PYDC2: variants seen among roughly 807,000 people sequenced by gnomAD.
PYDC2 encodes the protein pyrin domain containing 2.
For missense variants in PYDC2, 123 were observed against 112.2 expected (o/e 1.10, Z -0.43); for synonymous variants, 51 against 44.6 (o/e 1.14, Z -0.57).
In PYDC2 at chr3:191,461,333, A is replaced by C. The variant is rs749777509; in HGVS notation, c.171A>C (p.Glu57Asp). 10 of 1,613,886 alleles carry C rather than the reference A, an allele frequency of 6.2e-6. No individual in the cohort carries two copies. The highest frequency in any genetic ancestry group is 7.6e-6 in the Non-Finnish European group (9 of 1,179,930). The change falls in exon 1 of 1, where the codon GAA (glutamate) becomes GAC (aspartate). Residue 57 changes from glutamate to aspartate, a missense_variant. Transcript: ENST00000518817. ...VDKANGKQLV[E>D]IFTSHSCSYW... ...AGGCTAATGGGAAGCAACTGGTAGA[A>C]ATCTTCACCAGCCACTCCTGCAGCT...
chr3:191,461,287 T>TC, the PYDC2 span: 2 of 1,613,848 alleles, frequency 1.2e-6, no homozygotes, highest in Non-Finnish European at 1.7e-6. Flanking sequence ...CTACAGACCG[T>TC]CCCCCAGACA....
chr3:191,461,452 C>G lies in PYDC2; in HGVS notation c.290C>G (p.Pro97Arg). The G allele has an allele frequency of 6.2e-7, 1 of 1,610,696 alleles. No individual in the cohort carries two copies. The highest frequency in any genetic ancestry group is 1.3e-5 in the African/African-American group (1 of 75,024). Residue 97 changes from proline to arginine, a missense_variant, in exon 1 of 1, where the codon CCT becomes CGT. Coordinates refer to ENST00000518817, the MANE Select transcript of PYDC2 (RefSeq NM_001083308.1). ...RADEHCVMPP[P>R] ...GATGAACACTGTGTGATGCCCCCAC[C>G]TTAACCCCTCAGGGATAGTGAGTTG...
In PYDC2 at chr3:191,461,375, A is replaced by C. The variant is rs779414599; in HGVS notation, c.213A>C (p.Ala71=). 5 of 1,613,998 alleles carry C rather than the reference A, an allele frequency of 3.1e-6. No homozygotes were observed. Among genetic ancestry groups the C allele is most frequent in the Non-Finnish European group, 4.2e-6 (5 of 1,179,946 alleles). The change falls in exon 1 of 1, where the codon GCA becomes GCC. Residue 71 remains alanine, a synonymous_variant. Transcript: ENST00000518817. ...CCTGCAGCTACTGGGCAGGGATGGC[A>C]GCCATCCAGGTCTTTGAAAAGATGA... ...SHSCSYWAGM[A]AIQVFEKMNQ...
Position 191,461,414 on chromosome 3 carries a change from G to T in PYDC2, c.252G>T (p.Leu84=). 1 of 1,614,166 alleles carries T rather than the reference G, an allele frequency of 6.2e-7. No homozygotes were observed. Among genetic ancestry groups the T allele is most frequent in the Non-Finnish European group, 8.5e-7 (1 of 1,179,984 alleles). The change falls in exon 1 of 1, where the codon CTG becomes CTT. Residue 84 remains leucine, a synonymous_variant. Coordinates refer to ENST00000518817, the MANE Select transcript of PYDC2 (RefSeq NM_001083308.1). The part of the protein sequence containing the change: ...QVFEKMNQTH[L]SGRADEHCVM... ...TTGAAAAGATGAATCAAACGCATCTGTCTGGGAGAGCTGATGAACACTGTG... is the reference window on the plus strand; with the variant it reads ...TTGAAAAGATGAATCAAACGCATCTTTCTGGGAGAGCTGATGAACACTGTG...
At position 191,461,309 on chromosome 3, in the gene PYDC2, G is replaced by A. The variant is rs948115090; in HGVS notation, c.147G>A (p.Lys49=). The A allele has an allele frequency of 1.2e-6, 2 of 1,613,922 alleles. No individual in the cohort carries two copies. Among genetic ancestry groups the A allele is most frequent in the Non-Finnish European group, 1.7e-6 (2 of 1,179,936 alleles). The change falls in exon 1 of 1, where the codon AAG becomes AAA. Residue 49 remains lysine, a synonymous_variant. Coordinates refer to ENST00000518817, the MANE Select transcript of PYDC2 (RefSeq NM_001083308.1). The stretch of plus-strand genomic sequence containing the variant: ...CCGTCCCCCAGACAGAGGTAGACAA[G>A]GCTAATGGGAAGCAACTGGTAGAAA... The part of the protein sequence containing the change: ...LQTVPQTEVD[K]ANGKQLVEIF...
In PYDC2 at chr3:191,461,173, C is replaced by T. The variant is rs200336389; in HGVS notation, c.11C>T (p.Ser4Phe). 5.8e-5 allele frequency: 93 copies of T among 1,613,950 alleles called. 2 individuals carry two copies. In the South Asian group the frequency reaches 9.4e-4, roughly 16 times the overall value. The change falls in exon 1 of 1, where the codon TCT becomes TTT. Residue 4 changes from serine (S) to phenylalanine (F), a missense_variant. Ser to Phe is a radical substitution (Grantham distance 155). Coordinates refer to ENST00000518817, the MANE Select transcript of PYDC2 (RefSeq NM_001083308.1). ...CCCACATAGGACAAGATGGCATCTT[C>T]TGCAGAGCTGGACTTCAACCTGCAG... The part of the protein sequence containing the change: MAS[S>F]AELDFNLQAL...
rs1270270793 is a variant in PYDC2, at chr3:191,461,276, G to T, written c.114G>T (p.Glu38Asp). Residue 38 changes from glutamate (E) to aspartate (D), a missense_variant, in exon 1 of 1, where the codon GAG becomes GAT. Transcript: ENST00000518817. ...SLIRTISLGK[E>D]LQTVPQTEVD... Reference sequence around the variant, plus strand: ...TCAGAACAATCTCCCTGGGAAAGGAGCTACAGACCGTCCCCCAGACAGAGG... The same window carrying T: ...TCAGAACAATCTCCCTGGGAAAGGATCTACAGACCGTCCCCCAGACAGAGG... 6.2e-7 allele frequency: 1 copy of T among 1,614,160 alleles called. No homozygotes were observed. Among genetic ancestry groups the T allele is most frequent in the Non-Finnish European group, 8.5e-7 (1 of 1,180,018 alleles).
rs1318936376 is a variant in PYDC2, at chr3:191,461,263, C to A, written c.101C>A (p.Ser34Tyr). The change falls in exon 1 of 1, where the codon TCC (serine) becomes TAC (tyrosine). Residue 34 changes from serine (S) to tyrosine (Y), a missense_variant. Ser to Tyr is a moderately radical substitution (Grantham distance 144, BLOSUM62 -2). Coordinates refer to ENST00000518817, the MANE Select transcript of PYDC2 (RefSeq NM_001083308.1). ...SKFKSLIRTISLGKELQTVPQ... is the reference protein window; with the variant it reads ...SKFKSLIRTIYLGKELQTVPQ... ...TTCAAGTCTCTGATCAGAACAATCT[C>A]CCTGGGAAAGGAGCTACAGACCGTC... The A allele has an allele frequency of 1.2e-6, 2 of 1,613,994 alleles. No homozygotes were observed. Among genetic ancestry groups the A allele is most frequent in the Admixed American group, 3.3e-5 (2 of 59,990 alleles).
In PYDC2 at chr3:191,461,379, A is replaced by T. The variant is rs997718853; in HGVS notation, c.217A>T (p.Ile73Phe). 1 of 1,614,176 alleles carries T rather than the reference A, an allele frequency of 6.2e-7. No individual in the cohort carries two copies. The highest frequency in any genetic ancestry group is 1.7e-5 in the Admixed American group (1 of 60,024). ...SCSYWAGMAAIQVFEKMNQTH... is the reference protein window; with the variant it reads ...SCSYWAGMAAFQVFEKMNQTH... ...CAGCTACTGGGCAGGGATGGCAGCC[A>T]TCCAGGTCTTTGAAAAGATGAATCA... The change falls in exon 1 of 1, where the codon ATC (isoleucine) becomes TTC (phenylalanine). Residue 73 changes from isoleucine (I) to phenylalanine (F), a missense_variant. By Grantham distance (21) the Ile-to-Phe change is conservative (BLOSUM62 0). Transcript: ENST00000518817.
At position 191,461,252 on chromosome 3, in the gene PYDC2, C is replaced by G; in HGVS notation, c.90C>G (p.Ile30Met). 1 of 1,614,090 alleles carries G rather than the reference C, an allele frequency of 6.2e-7. No homozygotes were observed. The highest frequency in any genetic ancestry group is 8.5e-7 in the Non-Finnish European group (1 of 1,179,990). ...AGTTGAGCAAGTTCAAGTCTCTGAT[C>G]AGAACAATCTCCCTGGGAAAGGAGC... ...QDELSKFKSL[I>M]RTISLGKELQ... Residue 30 changes from isoleucine to methionine, a missense_variant, in exon 1 of 1, where the codon ATC (isoleucine) becomes ATG (methionine). By Grantham distance (10) the Ile-to-Met change is conservative (BLOSUM62 1). Coordinates refer to ENST00000518817, the MANE Select transcript of PYDC2 (RefSeq NM_001083308.1).
In PYDC2 at chr3:191,461,450, A is replaced by T; in HGVS notation, c.288A>T (p.Pro96=). ...CTGATGAACACTGTGTGATGCCCCC[A>T]CCTTAACCCCTCAGGGATAGTGAGT... is the stretch of plus-strand genomic sequence containing the variant. ...GRADEHCVMP[P]P The change falls in exon 1 of 1, where the codon CCA becomes CCT. Residue 96 remains proline, a synonymous_variant. Coordinates refer to ENST00000518817, the MANE Select transcript of PYDC2 (RefSeq NM_001083308.1). 1.2e-6 allele frequency: 2 copies of T among 1,611,102 alleles called. No homozygotes were observed. Among genetic ancestry groups the T allele is most frequent in the Non-Finnish European group, 1.7e-6 (2 of 1,178,016 alleles).
rs777802651 is a variant in PYDC2 at position 191,461,236 on chromosome 3, A to G, written c.74A>G (p.Lys25Arg). 4 of 1,614,048 alleles carry G rather than the reference A, an allele frequency of 2.5e-6. No individual in the cohort carries two copies. The highest frequency in any genetic ancestry group is 3.4e-6 in the Non-Finnish European group (4 of 1,180,016). Residue 25 changes from lysine to arginine, a missense_variant, in exon 1 of 1, where the codon AAG (lysine) becomes AGG (arginine). Physicochemically the swap from Lys to Arg is conservative, Grantham distance 26. Transcript: ENST00000518817. ...LEQLSQDELSKFKSLIRTISL... is the reference protein window; with the variant it reads ...LEQLSQDELSRFKSLIRTISL... ...CAGCTCAGCCAGGATGAGTTGAGCAAGTTCAAGTCTCTGATCAGAACAATC... is the reference window on the plus strand; with the variant it reads ...CAGCTCAGCCAGGATGAGTTGAGCAGGTTCAAGTCTCTGATCAGAACAATC...
chr3:191,461,272 A>G lies in PYDC2; in HGVS notation c.110A>G (p.Lys37Arg), dbSNP rs747185608. ...CTGATCAGAACAATCTCCCTGGGAAAGGAGCTACAGACCGTCCCCCAGACA... is the reference window on the plus strand; with the variant it reads ...CTGATCAGAACAATCTCCCTGGGAAGGGAGCTACAGACCGTCCCCCAGACA... ...KSLIRTISLG[K>R]ELQTVPQTEV... The change falls in exon 1 of 1, where the codon AAG becomes AGG. Residue 37 changes from lysine to arginine, a missense_variant. Transcript: ENST00000518817. 2.5e-6 allele frequency: 4 copies of G among 1,614,178 alleles called. No homozygotes were observed. The East Asian group carries it at 6.7e-5, about 27-fold the overall frequency.
chr3:191,461,394 A>C lies in PYDC2; in HGVS notation c.232A>C (p.Lys78Gln), dbSNP rs1410812591. Residue 78 changes from lysine to glutamine, a missense_variant, in exon 1 of 1, where the codon AAG (lysine) becomes CAG (glutamine). Coordinates refer to ENST00000518817, the MANE Select transcript of PYDC2 (RefSeq NM_001083308.1). ...GATGGCAGCCATCCAGGTCTTTGAA[A>C]AGATGAATCAAACGCATCTGTCTGG... The part of the protein sequence containing the change: ...AGMAAIQVFE[K>Q]MNQTHLSGRA... 1 of 1,614,172 alleles carries C rather than the reference A, an allele frequency of 6.2e-7. No homozygotes were observed. Among genetic ancestry groups the C allele is most frequent in the South Asian group, 1.1e-5 (1 of 91,084 alleles).
rs1383158233 is a variant in PYDC2, at chr3:191,461,257, C to A, written c.95C>A (p.Thr32Lys). The A allele has an allele frequency of 2.5e-6, 4 of 1,614,026 alleles. No homozygotes were observed. The African/African-American group carries it at 5.3e-5, about 22-fold the overall frequency. Residue 32 changes from threonine to lysine, a missense_variant, in exon 1 of 1, where the codon ACA (threonine) becomes AAA (lysine). Physicochemically the swap from Thr to Lys is moderately conservative, Grantham distance 78. Transcript: ENST00000518817. ...ELSKFKSLIRTISLGKELQTV... is the reference protein window; with the variant it reads ...ELSKFKSLIRKISLGKELQTV... ...AGCAAGTTCAAGTCTCTGATCAGAA[C>A]AATCTCCCTGGGAAAGGAGCTACAG...
Position 191,461,276 on chromosome 3 carries a change from G to A in PYDC2, c.114G>A (p.Glu38=). Residue 38 remains glutamate, a synonymous_variant, in exon 1 of 1, where the codon GAG becomes GAA. Coordinates refer to ENST00000518817, the MANE Select transcript of PYDC2 (RefSeq NM_001083308.1). ...SLIRTISLGK[E]LQTVPQTEVD... ...TCAGAACAATCTCCCTGGGAAAGGA[G>A]CTACAGACCGTCCCCCAGACAGAGG... The A allele has an allele frequency of 6.2e-7, 1 of 1,614,160 alleles. No individual in the cohort carries two copies. Among genetic ancestry groups the A allele is most frequent in the Non-Finnish European group, 8.5e-7 (1 of 1,180,018 alleles).
rs1215738201 is a variant in PYDC2 at position 191,461,442 on chromosome 3, A to G, written c.280A>G (p.Met94Val). The change falls in exon 1 of 1, where the codon ATG (methionine) becomes GTG (valine). Residue 94 changes from methionine to valine, a missense_variant. Physicochemically the swap from Met to Val is conservative, Grantham distance 21. Coordinates refer to ENST00000518817, the MANE Select transcript of PYDC2 (RefSeq NM_001083308.1). ...TGGGAGAGCTGATGAACACTGTGTG[A>G]TGCCCCCACCTTAACCCCTCAGGGA... ...LSGRADEHCV[M>V]PPP is the part of the protein sequence containing the mutation. 2 of 1,612,956 alleles carry G rather than the reference A, an allele frequency of 1.2e-6. No homozygotes were observed.
At position 191,461,301 on chromosome 3, in the gene PYDC2, G is replaced by A. The variant is rs771275110; in HGVS notation, c.139G>A (p.Val47Ile). 1 of 1,613,990 alleles carries A rather than the reference G, an allele frequency of 6.2e-7. No homozygotes were observed. The highest frequency in any genetic ancestry group is 1.1e-5 in the South Asian group (1 of 91,068). Residue 47 changes from valine (V) to isoleucine (I), a missense_variant, in exon 1 of 1, where the codon GTA becomes ATA. Coordinates refer to ENST00000518817, the MANE Select transcript of PYDC2 (RefSeq NM_001083308.1). ...KELQTVPQTE[V>I]DKANGKQLVE... ...GCTACAGACCGTCCCCCAGACAGAG[G>A]TAGACAAGGCTAATGGGAAGCAACT...
chr3:191,461,453 T>C lies in PYDC2; in HGVS notation c.291T>C (p.Pro97=), dbSNP rs754069272. 2.5e-6 allele frequency: 4 copies of C among 1,610,784 alleles called. No homozygotes were observed. Among genetic ancestry groups the C allele is most frequent in the Non-Finnish European group, 3.4e-6 (4 of 1,177,748 alleles). Residue 97 remains proline, a synonymous_variant, in exon 1 of 1, where the codon CCT becomes CCC. Transcript: ENST00000518817. ...RADEHCVMPP[P] is the part of the protein sequence containing the mutation. ...ATGAACACTGTGTGATGCCCCCACCTTAACCCCTCAGGGATAGTGAGTTGA... is the reference window on the plus strand; with the variant it reads ...ATGAACACTGTGTGATGCCCCCACCCTAACCCCTCAGGGATAGTGAGTTGA...
Sources: gnomAD v4.1 joint callset for allele counts on GRCh38, gnomAD v4.1.1 for gene constraint, MANE v1.5 for transcripts, NCBI Gene and HGNC (gene_info 2026-07-23, HGNC 2026-07-21) for gene names.